CYP2A13: variants seen among roughly 807,000 people sequenced by gnomAD.
CYP2A13 encodes cytochrome P450 2A13.
Under a neutral mutation model 39.4 loss-of-function variants are expected in CYP2A13, and 30 were observed. That is an observed-to-expected ratio of 0.76 (90% CI 0.57 to 1.03). The LOEUF is 1.03. Among genes scored for constraint, CYP2A13 ranks in the 50% least tolerant of loss-of-function variants. The probability of loss-of-function intolerance (pLI) is 0.00; values close to 1 mark genes in which losing one functional copy is unlikely to be tolerated. For missense variants in CYP2A13, 731 were observed against 648.4 expected (o/e 1.13, Z -1.38); for synonymous variants, 269 against 254.7 (o/e 1.06, Z -0.54).
chr19:41,090,904 T>C (rs1183060832), intron 4 of CYP2A13, among the ~76,000 whole-genome samples: 1 of 152,190 alleles, frequency 6.6e-6, no homozygotes, highest in African/African-American at 2.4e-5. Context: ...CTGAATATTT[T>C]AACACCTGGA....
In CYP2A13 at chr19:41,089,896, A is replaced by T. The variant is rs1252970868; in HGVS notation, c.344-151A>T. ...TCGTGCTCTCGTGTTTCTCTGACTGAGTTTGCAGCTCTCCTGGGCACTCGC... is the reference window on the plus strand; with the variant it reads ...TCGTGCTCTCGTGTTTCTCTGACTGTGTTTGCAGCTCTCCTGGGCACTCGC... On this transcript the variant is annotated intron_variant, in intron 2 of 8. Coordinates refer to ENST00000330436, the MANE Select transcript of CYP2A13 (RefSeq NM_000766.5). The T allele has an allele frequency of 5.2e-6, 3 of 582,430 alleles. No homozygotes were observed. The African/African-American group carries it at 7.2e-5, about 14-fold the overall frequency. 36.1% of individuals were successfully genotyped at this position (582,430 alleles called of 1,614,324 possible). A position where few individuals can be genotyped will look rare whatever the true frequency, so the allele number is the denominator to read the frequency against.
At chr19:41,090,015 A>G (rs200698076) in intron 2 of CYP2A13, 32 bp from the exon 3 acceptor site, 104 of 1,586,426 alleles carry the variant, frequency 6.6e-5, no homozygotes, top group Middle Eastern at 2.0e-4. Context: ...CCGCCCCCTG[A>G]CCTCTCTCCA....
intron 1 of CYP2A13, 31 bp downstream of exon 1, chr19:41,088,682 G>T (rs2031095489): frequency 1.9e-6 from 3 of 1,598,602 alleles, no homozygotes; most frequent in Non-Finnish European, 2.6e-6. Flanking sequence ...GGGTGGCACG[G>T]GGTGGGGGCT....
At position 41,088,453 on chromosome 19, in the gene CYP2A13, C is replaced by G; in HGVS notation, c.-19C>G. On this transcript the variant is annotated 5_prime_UTR_variant, in exon 1 of 9. The change creates a new upstream start codon in the 5' untranslated region. Coordinates refer to ENST00000330436, the MANE Select transcript of CYP2A13 (RefSeq NM_000766.5). ...GGCAAACCACCCCAGCCATCACCAT[C>G]TATCATCCCACTGCCACCATGCTGG... is the stretch of plus-strand genomic sequence containing the variant. 1 of 1,609,366 alleles carries G rather than the reference C, an allele frequency of 6.2e-7. No homozygotes were observed. The highest frequency in any genetic ancestry group is 1.3e-5 in the African/African-American group (1 of 75,000).
In CYP2A13 at chr19:41,095,977, G is replaced by A. The variant is rs377711694; in HGVS notation, c.*36G>A. The A allele has an allele frequency of 9.2e-5, 125 of 1,357,420 alleles. No individual in the cohort carries two copies. Among genetic ancestry groups the A allele is most frequent in the Middle Eastern group, 8.2e-4 (4 of 4,858 alleles). 84.1% of individuals were successfully genotyped at this position (1,357,420 alleles called of 1,614,324 possible). A position where few individuals can be genotyped will look rare whatever the true frequency, so the allele number is the denominator to read the frequency against. On this transcript the variant is annotated 3_prime_UTR_variant, in exon 9 of 9. Transcript: ENST00000330436. ...TGCTGGTGCAGGGCTGGTGGGCGGGGCCAGGGAAACGGCCGGGGCAGGGGC... is the reference window on the plus strand; with the variant it reads ...TGCTGGTGCAGGGCTGGTGGGCGGGACCAGGGAAACGGCCGGGGCAGGGGC...
At position 41,090,209 on chromosome 19, in the gene CYP2A13, C is replaced by G; in HGVS notation, c.493+13C>G. 6.4e-7 allele frequency: 1 copy of G among 1,555,930 alleles called. No homozygotes were observed. The highest frequency in any genetic ancestry group is 8.7e-7 in the Non-Finnish European group (1 of 1,150,064). On this transcript the variant is annotated intron_variant, in intron 3 of 8. Coordinates refer to ENST00000330436, the MANE Select transcript of CYP2A13 (RefSeq NM_000766.5). ...CGGGGCACGCACGGTGAGTAGGGGA[C>G]CCCGAGTGCGAGGGCGGGAACCCGC...
At chr19:41,093,991 C>A (rs1345193795) in intron 6 of CYP2A13, among the ~76,000 whole-genome samples, 2 of 152,044 alleles carry the variant, frequency 1.3e-5, no homozygotes, top group Non-Finnish European at 2.9e-5. Context: ...TGTCCCAAGC[C>A]CACTGAGTGT....
At chr19:41,089,550 G>C (rs1262772962) in intron 2 of CYP2A13, among the ~76,000 whole-genome samples, 3 of 151,842 alleles carry the variant, frequency 2.0e-5, no homozygotes, top group East Asian at 1.9e-4. Context: ...GTAATTGTCT[G>C]TCCTCCTTCC....
At position 41,095,088 on chromosome 19, in the gene CYP2A13, C is replaced by T. The variant is rs187762561; in HGVS notation, c.1291C>T (p.Pro431Ser). Residue 431 changes from proline (P) to serine (S), a missense_variant, in exon 8 of 9, where the codon CCC becomes TCC. Physicochemically the swap from Pro to Ser is moderately conservative, Grantham distance 74 (BLOSUM62 -1). Coordinates refer to ENST00000330436, the MANE Select transcript of CYP2A13 (RefSeq NM_000766.5). Reference sequence around the variant, plus strand: ...GTTTAAGAAGAGTGATGCTTTTGTGCCCTTTTCCATCGGTAAGAGACCACT... The same window carrying T: ...GTTTAAGAAGAGTGATGCTTTTGTGTCCTTTTCCATCGGTAAGAGACCACT... ...GQFKKSDAFV[P>S]FSIGKRYCFG... 19 of 1,614,126 alleles carry T rather than the reference C, an allele frequency of 1.2e-5. No homozygotes were observed. The East Asian group carries it at 1.8e-4, about 15-fold the overall frequency.
chr19:41,088,875 G>GC (rs1389718497), intron 1 of CYP2A13, 54 bp from the exon 2 acceptor site: 11 of 1,606,046 alleles, frequency 6.8e-6, no homozygotes, highest in East Asian at 6.7e-5. Flanking sequence ...TCAGTGCTGG[G>GC]CCCATTCAGA....
At chr19:41,093,206 CAA>C (rs111881633) in intron 5 of CYP2A13, among the ~76,000 whole-genome samples, 8 of 133,652 alleles carry the variant, frequency 6.0e-5, no homozygotes, top group Admixed American at 7.5e-5. Context: ...GACCGTGTCT[CAA>C]AAAAAAAAAA....
At chr19:41,092,312 T>TA (rs529985444) in intron 5 of CYP2A13, among the ~76,000 whole-genome samples, 3,820 of 53,780 alleles carry the variant, frequency 0.071, 350 homozygotes, top group Non-Finnish European at 0.091. Context: ...CAAGACCCTG[T>TA]AAAAAAAAAA....
intron 3 of CYP2A13, 38 bp downstream of exon 3, chr19:41,090,234 C>A (rs758241453): frequency 1.9e-6 from 3 of 1,547,492 alleles, no homozygotes; most frequent in Non-Finnish European, 2.6e-6. Context: ...CGGGAACCCG[C>A]GCTTTCTGCC....
intron 2 of CYP2A13, among the ~76,000 whole-genome samples, chr19:41,089,537 C>T (rs2031121168): frequency 6.6e-6 from 1 of 152,128 alleles, no homozygotes; most frequent in Admixed American, 6.5e-5. Flanking sequence ...CCTCCAACTC[C>T]TGGTAATTGT....
intron 2 of CYP2A13, among the ~76,000 whole-genome samples, chr19:41,089,306 C>G (rs369060424): frequency 1.3e-5 from 2 of 152,114 alleles, no homozygotes; most frequent in African/African-American, 2.4e-5. Flanking sequence ...CTCTCTGCCC[C>G]GTCTCCTCCT....
chr19:41,094,880 G>T, intron 7 of CYP2A13, 79 bp from the exon 8 acceptor site: 1 of 1,560,978 alleles, frequency 6.4e-7, no homozygotes, highest in Non-Finnish European at 8.8e-7. Flanking sequence ...GGGCACCCTA[G>T]TTCCCCCTGC....
chr19:41,092,508 T>C (rs1264993267), intron 5 of CYP2A13, among the ~76,000 whole-genome samples: 1 of 152,232 alleles, frequency 6.6e-6, no homozygotes, highest in East Asian at 1.9e-4. Context: ...GGAACACTTA[T>C]AACAGCTCTT....
rs765414081 is a variant in CYP2A13 at position 41,095,022 on chromosome 19, C to T, written c.1225C>T (p.Arg409Trp). The T allele has an allele frequency of 1.3e-4, 215 of 1,614,026 alleles. No homozygotes were observed. Among genetic ancestry groups the T allele is most frequent in the Middle Eastern group, 3.3e-4 (2 of 6,084 alleles). The change falls in exon 8 of 9, where the codon CGG becomes TGG. Residue 409 changes from arginine to tryptophan, a missense_variant. Arg to Trp is a moderately radical substitution (Grantham distance 101). Transcript: ENST00000330436. ...AGACCCCAGGTTCTTCTCCAACCCCCGGGACTTCAATCCCCAGCACTTCCT... is the reference window on the plus strand; with the variant it reads ...AGACCCCAGGTTCTTCTCCAACCCCTGGGACTTCAATCCCCAGCACTTCCT... Reference protein sequence around the residue: ...LRDPRFFSNPRDFNPQHFLDK... With the variant: ...LRDPRFFSNPWDFNPQHFLDK...
At chr19:41,095,684 C>A (rs887693207) in intron 8 of CYP2A13, 76 bp from the exon 9 acceptor site, 25 of 1,567,172 alleles carry the variant, frequency 1.6e-5, no homozygotes, top group Non-Finnish European at 2.1e-5. Context: ...CTAGAGAGTG[C>A]AGCCGGGGGT....
Sources: allele counts gnomAD v4.1 joint callset (sites outside exome capture counted in the v4.1 genomes callset), GRCh38; gene constraint gnomAD v4.1.1; transcripts MANE v1.5; gene names NCBI Gene and HGNC (gene_info 2026-07-23, HGNC 2026-07-21).